Variants in UBOX5 observed in about 807,000 individuals in gnomAD.
UBOX5 encodes the protein U-box domain containing 5, also known as RING finger protein 37.
A neutral mutation model predicts 39.0 loss-of-function variants in UBOX5; 28 were observed. That is an observed-to-expected ratio of 0.72 (90% CI 0.53 to 0.98). The LOEUF (loss-of-function observed/expected upper bound fraction) is 0.98. Among genes scored for constraint, UBOX5 ranks in the 50% least tolerant of loss-of-function variants. The pLI is 0.00. For synonymous variants in UBOX5, 283 were observed against 275.5 expected (o/e 1.03, Z -0.27); for missense variants, 585 against 674.4 (o/e 0.87, Z 1.47).
At chr20:3,122,727 A>T in intron 2 of UBOX5, 143 bp from the exon 3 acceptor site, 1 of 1,215,320 alleles carries the variant, frequency 8.2e-7, no homozygotes, top group Non-Finnish European at 1.1e-6. Context: ...ACCCAAGATC[A>T]GATCAAAGGC....
chr20:3,123,355 T>C lies in UBOX5; in HGVS notation c.11A>G (p.Asn4Ser), dbSNP rs753221747. 1 of 1,614,070 alleles carries C rather than the reference T, an allele frequency of 6.2e-7. No individual in the cohort carries two copies. The highest frequency in any genetic ancestry group is 8.5e-7 in the Non-Finnish European group (1 of 1,179,994). The change falls in exon 2 of 5, where the codon AAT (asparagine) becomes AGT (serine). Residue 4 changes from asparagine (N) to serine (S), a missense_variant. Coordinates refer to ENST00000217173, the MANE Select transcript of UBOX5 (RefSeq NM_014948.4). MVI[N>S]LCLPQFRPRI... ...TGGTCTGAACTGTGGGAGGCAAAGA[T>C]TTATTACCATCTTTGTGGCTGAGAG...
chr20:3,154,676 A>T (rs1011677979), intron 1 of UBOX5, among the ~76,000 whole-genome samples: 8 of 152,212 alleles, frequency 5.3e-5, no homozygotes, highest in African/African-American at 1.4e-4. Context: ...CCTATCTCAA[A>T]AAATAAATAA....
chr20:3,153,507 T>C (rs923309082), intron 1 of UBOX5, among the ~76,000 whole-genome samples: 10 of 152,214 alleles, frequency 6.6e-5, no homozygotes, highest in Non-Finnish European at 1.2e-4. Flanking sequence ...AGCCAAGGGA[T>C]TGAGTGGAGC....
chr20:3,119,469 G>A (rs1334846373), intron 3 of UBOX5, among the ~76,000 whole-genome samples: 4 of 152,222 alleles, frequency 2.6e-5, no homozygotes, highest in Non-Finnish European at 4.4e-5. Context: ...GAAGTTATGA[G>A]ACAATGAATG....
chr20:3,121,631 G>A lies in UBOX5; in HGVS notation c.1008C>T (p.Ser336=). 6.2e-7 allele frequency: 1 copy of A among 1,611,350 alleles called. No homozygotes were observed. The highest frequency in any genetic ancestry group is 8.5e-7 in the Non-Finnish European group (1 of 1,178,788). ...TCCCAAGCAGGTGGCAGCCAGGGAT[G>A]GAGTGCTGGAGCAGGAAATGGTCAA... ...ARIDHFLLQH[S]IPGCHLLGRA... is the part of the protein sequence containing the mutation. The change falls in exon 3 of 5, where the codon TCC becomes TCT. Residue 336 remains serine (S), a synonymous_variant. Coordinates refer to ENST00000217173, the MANE Select transcript of UBOX5 (RefSeq NM_014948.4).
chr20:3,158,869 G>A (rs1364947047), intron 1 of UBOX5, among the ~76,000 whole-genome samples: 1 of 152,240 alleles, frequency 6.6e-6, no homozygotes, highest in African/African-American at 2.4e-5. Context: ...GTTCTGGAAA[G>A]GCAGCCATTC....
At chr20:3,139,833 C>T (rs1027478470) in intron 1 of UBOX5, among the ~76,000 whole-genome samples, 44 of 151,962 alleles carry the variant, frequency 2.9e-4, no homozygotes, top group African/African-American at 1.0e-3. Flanking sequence ...CCTCAGCCTC[C>T]TGAGTAACTG....
intron 3 of UBOX5, among the ~76,000 whole-genome samples, chr20:3,119,080 A>G (rs1438169773): frequency 6.6e-6 from 1 of 152,260 alleles, no homozygotes; most frequent in Admixed American, 6.5e-5. Flanking sequence ...CAATTAACAA[A>G]TACCTTGGGA....
At chr20:3,146,817 A>G in intron 1 of UBOX5, 5 of 1,614,162 alleles carry the variant, frequency 3.1e-6, no homozygotes, top group Non-Finnish European at 4.2e-6. Flanking sequence ...AGAAACGCCA[A>G]CTTTTCTAAG....
intron 3 of UBOX5, among the ~76,000 whole-genome samples, chr20:3,116,900 A>G (rs1459045935): frequency 6.6e-6 from 1 of 152,122 alleles, no homozygotes; most frequent in Non-Finnish European, 1.5e-5. Flanking sequence ...GTTCAAGACC[A>G]GCCTGGTCAA....
Position 3,127,172 on chromosome 20 carries a change from C to T in UBOX5, c.-41-3766G>A, listed in dbSNP as rs2180656. 9.6e-3 allele frequency among the ~76,000 whole-genome samples: 1,465 copies of T among 152,242 alleles called. 25 individuals are homozygous for T. The highest frequency in any genetic ancestry group is 0.033 in the African/African-American group (1,386 of 41,546). On this transcript the variant is annotated intron_variant, in intron 1 of 4. Transcript: ENST00000217173. ...ACACCCCTCGCAGTGGCAGACCTCTCCAGTGGAACTCAACTCCTTGGTGAG... is the reference window on the plus strand; with the variant it reads ...ACACCCCTCGCAGTGGCAGACCTCTTCAGTGGAACTCAACTCCTTGGTGAG...
At chr20:3,146,125 G>C (rs2066559803) in intron 1 of UBOX5, among the ~76,000 whole-genome samples, 1 of 152,012 alleles carries the variant, frequency 6.6e-6, no homozygotes, top group South Asian at 2.1e-4. Context: ...CGGATCACCG[G>C]AAGTCAGGAG....
chr20:3,143,001 T>C (rs1315269983), intron 1 of UBOX5, among the ~76,000 whole-genome samples: 5 of 150,508 alleles, frequency 3.3e-5, no homozygotes, highest in African/African-American at 7.3e-5. Flanking sequence ...GAAAAGAGCC[T>C]ATATATAGGA....
chr20:3,147,090 C>A, intron 1 of UBOX5: 2 of 1,614,100 alleles, frequency 1.2e-6, no homozygotes, highest in South Asian at 2.2e-5. Context: ...GGTACAGCTG[C>A]CTTATTCTCC....
At chr20:3,127,378 G>C (rs2066399254) in intron 1 of UBOX5, among the ~76,000 whole-genome samples, 1 of 152,232 alleles carries the variant, frequency 6.6e-6, no homozygotes, top group Admixed American at 6.5e-5. Flanking sequence ...GCACAGTGAA[G>C]ATCTGTCATG....
At chr20:3,143,844 A>G (rs896236382) in intron 1 of UBOX5, among the ~76,000 whole-genome samples, 4 of 152,110 alleles carry the variant, frequency 2.6e-5, no homozygotes, top group Non-Finnish European at 4.4e-5. Context: ...CTGTAGTACC[A>G]GCTACTTGGG....
At chr20:3,110,382 G>A in intron 4 of UBOX5, 68 bp from the exon 5 acceptor site, 5 of 1,549,660 alleles carry the variant, frequency 3.2e-6, no homozygotes, top group South Asian at 2.2e-5. Flanking sequence ...CTGCTCTGAG[G>A]GGCAGAGCCT....
At chr20:3,110,360 C>T (rs1346725902) in intron 4 of UBOX5, 46 bp from the exon 5 acceptor site, 8 of 1,607,790 alleles carry the variant, frequency 5.0e-6, no homozygotes, top group Non-Finnish European at 6.8e-6. Flanking sequence ...GAAAGCTGCT[C>T]CATGGTCCAG....
At chr20:3,142,189 T>C (rs566965859) in intron 1 of UBOX5, among the ~76,000 whole-genome samples, 124 of 149,880 alleles carry the variant, frequency 8.3e-4, no homozygotes, top group African/African-American at 2.8e-3. Flanking sequence ...AGGTCAGTAT[T>C]GGTGGCTCAC....
Sources: gnomAD v4.1 joint callset for allele counts (sites outside exome capture counted in the v4.1 genomes callset) on GRCh38, gnomAD v4.1.1 for gene constraint, MANE v1.5 for transcripts, NCBI Gene and HGNC (gene_info 2026-07-23, HGNC 2026-07-21) for gene names.